Variants in BCL2 observed in about 807,000 individuals in gnomAD.
BCL2 encodes the protein apoptosis regulator Bcl-2.
BCL2 carries 1 observed loss-of-function variant against 14.2 expected under a neutral mutation model. The ratio of observed to expected loss-of-function variants is 0.07; its 90% CI spans 0.02 to 0.33. The LOEUF is 0.33. Ranked by LOEUF, BCL2 falls within the 10% of genes least tolerant of loss-of-function variation. The probability of loss-of-function intolerance (pLI) is 0.99; values close to 1 mark genes in which losing one functional copy is unlikely to be tolerated. For synonymous variants in BCL2, 151 were observed against 137.2 expected, an observed-to-expected ratio of 1.10 and a Z score of -0.70; for missense variants, 247 against 305.9, an observed-to-expected ratio of 0.81 and a Z score of 1.44.
chr18:63,284,026 C>CT (rs1337774527), intron 2 of BCL2, among the ~76,000 whole-genome samples: 2 of 152,200 alleles, frequency 1.3e-5, no homozygotes, highest in African/African-American at 2.4e-5. Flanking sequence ...TTTTGTCACT[C>CT]TAACTGCAGC....
At position 63,248,860 on chromosome 18, in the gene BCL2, G is replaced by A. The variant is rs547374773; in HGVS notation, c.585+69222C>T. Among the ~76,000 whole-genome samples the A allele has an allele frequency of 6.6e-3, 998 of 152,254 alleles. 7 individuals are homozygous for A. The highest frequency in any genetic ancestry group is 0.023 in the African/African-American group (950 of 41,522). Reference sequence around the variant, plus strand: ...AGGTCAGTGCTCAGCACATTCACTGGGTTGAGTCAATGCCCCTATATTGTA... The same window carrying A: ...AGGTCAGTGCTCAGCACATTCACTGAGTTGAGTCAATGCCCCTATATTGTA... On this transcript the variant is annotated intron_variant, in intron 2 of 2. Coordinates refer to ENST00000333681, the MANE Select transcript of BCL2 (RefSeq NM_000633.3).
In BCL2 at chr18:63,267,903, GTCTT is replaced by G. The variant is rs1176259396; in HGVS notation, c.585+50175_585+50178del. ...CTTTCCTTCTCTGTTTTTCTCTTCT[GTCTT>G]TCTTCCTTCCTTCCTAAAAATATAA... On this transcript the variant is annotated intron_variant, in intron 2 of 2. Coordinates refer to ENST00000333681, the MANE Select transcript of BCL2 (RefSeq NM_000633.3). Among the ~76,000 whole-genome samples the G allele has an allele frequency of 2.0e-5, 3 of 150,734 alleles. No homozygotes were observed. In the East Asian group the frequency reaches 5.8e-4, roughly 29 times the overall value.
In BCL2 at chr18:63,127,598, C is replaced by T. The variant is rs552888307; in HGVS notation, c.*1027G>A. 2.6e-5 allele frequency: 6 copies of T among 231,116 alleles called. No individual in the cohort carries two copies. In the South Asian group the frequency reaches 1.1e-3, roughly 42 times the overall value. 14.3% of individuals were successfully genotyped at this position (231,116 alleles called of 1,614,324 possible). A position where few individuals can be genotyped will look rare whatever the true frequency, so the allele number is the denominator to read the frequency against. On this transcript the variant is annotated 3_prime_UTR_variant, in exon 3 of 3. Coordinates refer to ENST00000333681, the MANE Select transcript of BCL2 (RefSeq NM_000633.3). The stretch of plus-strand genomic sequence containing the variant: ...TCCCTGGAGGAGGCCAGTGAGGGCC[C>T]CGGCTCAGTTCCAGGACCAGGCCTC...
At chr18:63,205,355 G>C (rs1240006957) in intron 2 of BCL2, among the ~76,000 whole-genome samples, 1 of 152,202 alleles carries the variant, frequency 6.6e-6, no homozygotes, top group Non-Finnish European at 1.5e-5. Context: ...TTCAGCAAGT[G>C]GCAAGCATCT....
At chr18:63,287,780 C>T (rs1333028006) in intron 2 of BCL2, among the ~76,000 whole-genome samples, 1 of 152,018 alleles carries the variant, frequency 6.6e-6, no homozygotes, top group Non-Finnish European at 1.5e-5. Flanking sequence ...TTTTAAAAAC[C>T]TAAAAACCAG....
In BCL2 at chr18:63,133,241, C is replaced by T. The variant is rs1379358201; in HGVS notation, c.586-4482G>A. On this transcript the variant is annotated intron_variant, in intron 2 of 2. Coordinates refer to ENST00000333681, the MANE Select transcript of BCL2 (RefSeq NM_000633.3). ...TAAACTCAGCAAAGGTGTCCTCACC[C>T]CTCCGGGCCATGGAGCACTCCCACC... Among the ~76,000 whole-genome samples the T allele has an allele frequency of 2.6e-5, 4 of 152,092 alleles. No individual in the cohort carries two copies. The East Asian group carries it at 5.8e-4, about 22-fold the overall frequency.
At chr18:63,309,123 C>A (rs1453457858) in intron 2 of BCL2, among the ~76,000 whole-genome samples, 1 of 152,154 alleles carries the variant, frequency 6.6e-6, no homozygotes, top group Non-Finnish European at 1.5e-5. Flanking sequence ...AGGTTAACCA[C>A]CTTAACCCAA....
chr18:63,298,898 C>T (rs1322794303), intron 2 of BCL2, among the ~76,000 whole-genome samples: 4 of 152,152 alleles, frequency 2.6e-5, no homozygotes, highest in East Asian at 1.9e-4. Flanking sequence ...TTGAAAGCAG[C>T]AGCTTCCTGG....
At chr18:63,169,292 CTT>C (rs1182638228) in intron 2 of BCL2, among the ~76,000 whole-genome samples, 1 of 69,776 alleles carries the variant, frequency 1.4e-5, no homozygotes. Flanking sequence ...TTCTTTCTTT[CTT>C]TCTTTCTTTC....
intron 2 of BCL2, among the ~76,000 whole-genome samples, chr18:63,253,181 T>C (rs1286553606): frequency 6.6e-6 from 1 of 152,146 alleles, no homozygotes; most frequent in Non-Finnish European, 1.5e-5. Context: ...AGCAGCCCTA[T>C]GAGGAAAATG....
intron 2 of BCL2, among the ~76,000 whole-genome samples, chr18:63,146,922 C>T (rs762303243): frequency 2.0e-4 from 31 of 152,154 alleles, no homozygotes; most frequent in Middle Eastern, 3.4e-3. Flanking sequence ...ACTTTAAATG[C>T]GAAAAAAATA....
At chr18:63,211,479 T>G (rs1486981173) in intron 2 of BCL2, among the ~76,000 whole-genome samples, 1 of 152,162 alleles carries the variant, frequency 6.6e-6, no homozygotes, top group Non-Finnish European at 1.5e-5. Context: ...CTATGTGACA[T>G]TTTTTTATTT....
intron 2 of BCL2, among the ~76,000 whole-genome samples, chr18:63,232,513 G>T (rs1910718395): frequency 6.6e-6 from 1 of 152,102 alleles, no homozygotes; most frequent in Non-Finnish European, 1.5e-5. Flanking sequence ...AATCCCAAAT[G>T]ATGAAAAACC....
intron 2 of BCL2, among the ~76,000 whole-genome samples, chr18:63,155,343 G>C (rs973436143): frequency 6.6e-6 from 1 of 152,190 alleles, no homozygotes; most frequent in Non-Finnish European, 1.5e-5. Context: ...CATTTGCAAA[G>C]GTGAGAAACT....
At chr18:63,202,271 T>C (rs1909716104) in intron 2 of BCL2, among the ~76,000 whole-genome samples, 1 of 152,182 alleles carries the variant, frequency 6.6e-6, no homozygotes, top group Admixed American at 6.5e-5. Flanking sequence ...ATCGGGCCAC[T>C]GCACTCCAGC....
At chr18:63,230,824 C>T (rs929248681) in intron 2 of BCL2, among the ~76,000 whole-genome samples, 2 of 151,766 alleles carry the variant, frequency 1.3e-5, no homozygotes, top group African/African-American at 4.8e-5. Context: ...TCTAAACCTA[C>T]ATTGTAGAAA....
At chr18:63,231,168 C>A (rs181291952) in intron 2 of BCL2, among the ~76,000 whole-genome samples, 163 of 151,908 alleles carry the variant, frequency 1.1e-3, no homozygotes, top group Non-Finnish European at 2.0e-3. Context: ...GCAGAAAAAT[C>A]ATTTAACAAA....
intron 2 of BCL2, among the ~76,000 whole-genome samples, chr18:63,303,059 T>C (rs1347529679): frequency 6.6e-6 from 1 of 152,036 alleles, no homozygotes; most frequent in Non-Finnish European, 1.5e-5. Flanking sequence ...CTCTGGACTC[T>C]AGAAGAAAAA....
At chr18:63,220,660 C>A (rs1910365592) in intron 2 of BCL2, among the ~76,000 whole-genome samples, 1 of 152,032 alleles carries the variant, frequency 6.6e-6, no homozygotes, top group Non-Finnish European at 1.5e-5. Context: ...ACATATTCAA[C>A]AATTAAAGAG....
Sources: allele counts gnomAD v4.1 joint callset (sites outside exome capture counted in the v4.1 genomes callset), GRCh38; gene constraint gnomAD v4.1.1; transcripts MANE v1.5; gene names NCBI Gene and HGNC (gene_info 2026-07-23, HGNC 2026-07-21).